Variants in NAALAD2 observed in about 807,000 individuals in gnomAD.
NAALAD2 encodes N-acetylated-alpha-linked acidic dipeptidase 2.
NAALAD2 carries 89 observed loss-of-function variants against 95.6 expected under a neutral mutation model. The ratio of observed to expected loss-of-function variants is 0.93; its 90% CI spans 0.78 to 1.11. NAALAD2 has a LOEUF of 1.11. NAALAD2 is among the 50% of genes least tolerant of loss of function. NAALAD2 has a pLI of 0.00. For synonymous variants in NAALAD2, 264 were observed against 294.4 expected (o/e 0.90, Z 1.06); for missense variants, 894 against 872.4 (o/e 1.02, Z -0.31).
chr11:90,176,781 C>T (rs2134968403), intron 15 of NAALAD2, among the ~76,000 whole-genome samples: 1 of 152,254 alleles, frequency 6.6e-6, no homozygotes. Flanking sequence ...ATCTTGCTTG[C>T]CCATTATATG....
Position 90,135,582 on chromosome 11 carries a change from G to T in NAALAD2, c.106G>T (p.Glu36Ter). ...MVGWFIKPLK[E>*]TTTSVRYHQS... is the part of the protein sequence containing the mutation. ...AGGCTGGTTTATTAAGCCTCTCAAA[G>T]AAACGACCACTTCTGTGCGCTATCA... The change falls in exon 2 of 19, where the codon GAA (glutamate) becomes TAA (stop). Residue 36 changes from glutamate (E) to a stop codon, truncating the protein, a stop_gained. Coordinates refer to ENST00000534061, the MANE Select transcript of NAALAD2 (RefSeq NM_005467.4). LOFTEE classifies it high-confidence loss of function. 6.2e-7 allele frequency: 1 copy of T among 1,610,730 alleles called. No homozygotes were observed. Among genetic ancestry groups the T allele is most frequent in the Non-Finnish European group, 8.5e-7 (1 of 1,178,228 alleles).
At chr11:90,167,461 G>A (rs118046090) in intron 11 of NAALAD2, among the ~76,000 whole-genome samples, 1 of 152,162 alleles carries the variant, frequency 6.6e-6, no homozygotes, top group East Asian at 1.9e-4. Context: ...GGAGCCTCCC[G>A]ACGAGCACCG....
At chr11:90,142,002 G>T (rs1951631983) in intron 2 of NAALAD2, among the ~76,000 whole-genome samples, 1 of 152,050 alleles carries the variant, frequency 6.6e-6, no homozygotes, top group South Asian at 2.1e-4. Context: ...TAAGGAGAAA[G>T]ATTTAGTTTC....
At chr11:90,178,180 TATG>T in intron 16 of NAALAD2, 63 bp downstream of exon 16, 1 of 1,484,148 alleles carries the variant, frequency 6.7e-7, no homozygotes, top group Admixed American at 2.1e-5. Flanking sequence ...TATTATCTCC[TATG>T]ATGATCAATG....
rs1222025645 is a variant in NAALAD2 at position 90,191,453 on chromosome 11, G to T, written c.2034-105G>T. ...CAGATCAACTGTCTTCTTATTATAG[G>T]AACAAAAGTGAGTATCACAAGGAAA... On this transcript the variant is annotated intron_variant, in intron 18 of 18. Transcript: ENST00000534061. The T allele has an allele frequency of 6.9e-6, 5 of 720,904 alleles. No homozygotes were observed. The East Asian group carries it at 1.2e-4, about 17-fold the overall frequency. The allele number at this position is 720,904 out of a possible 1,614,324, so 44.7% of individuals were successfully genotyped here. A position where few individuals can be genotyped will look rare whatever the true frequency, so the allele number is the denominator to read the frequency against.
chr11:90,142,680 C>T (rs1480724502), intron 2 of NAALAD2, among the ~76,000 whole-genome samples: 2 of 152,032 alleles, frequency 1.3e-5, no homozygotes, highest in East Asian at 1.9e-4. Context: ...GTAACCTCTG[C>T]CTTGTGAGTA....
intron 8 of NAALAD2, among the ~76,000 whole-genome samples, 178 bp downstream of exon 8, chr11:90,159,515 C>T (rs1196161790): frequency 2.6e-5 from 4 of 152,130 alleles, no homozygotes; most frequent in African/African-American, 9.7e-5. Flanking sequence ...CTAGCAGCAT[C>T]ACAATATTAG....
At position 90,134,728 on chromosome 11, in the gene NAALAD2, C is replaced by T. The variant is rs1378455373; in HGVS notation, c.-31C>T. 1.2e-6 allele frequency: 2 copies of T among 1,608,648 alleles called. No individual in the cohort carries two copies. Among genetic ancestry groups the T allele is most frequent in the Admixed American group, 3.3e-5 (2 of 60,020 alleles). ...GCAGCCCCGAAGCTCGCGAATGTAG[C>T]AGGCGCCCCAAGCTCGGTCCTCAAG... On this transcript the variant is annotated 5_prime_UTR_variant, in exon 1 of 19. Transcript: ENST00000534061.
At chr11:90,178,218 T>C in intron 16 of NAALAD2, 101 bp downstream of exon 16, 3 of 1,303,964 alleles carry the variant, frequency 2.3e-6, no homozygotes, top group Non-Finnish European at 3.1e-6. Context: ...CTAGAATACA[T>C]ATTTGCCTTA....
Position 90,142,757 on chromosome 11 carries a change from G to A in NAALAD2, c.195-4573G>A, listed in dbSNP as rs566034083. 4.6e-5 allele frequency among the ~76,000 whole-genome samples: 7 copies of A among 151,990 alleles called. No homozygotes were observed. The East Asian group carries it at 9.7e-4, about 21-fold the overall frequency. On this transcript the variant is annotated intron_variant, in intron 2 of 18. Transcript: ENST00000534061. ...TTAAACTTAAGTCTGCCACTTTTTG[G>A]TTTGTTTTCTGTTTTCTTTCTGTAC... is the stretch of plus-strand genomic sequence containing the variant.
intron 15 of NAALAD2, among the ~76,000 whole-genome samples, chr11:90,177,120 A>G (rs1477186648): frequency 1.3e-5 from 2 of 152,208 alleles, no homozygotes; most frequent in Non-Finnish European, 2.9e-5. Flanking sequence ...AATAAAAACT[A>G]AAATTAGAAA....
chr11:90,156,017 T>TAAAA (rs1372416353), intron 6 of NAALAD2, among the ~76,000 whole-genome samples: 8 of 151,148 alleles, frequency 5.3e-5, no homozygotes, highest in Non-Finnish European at 1.2e-4. Context: ...GCTGAATTTA[T>TAAAA]GAGCATAGAG....
intron 3 of NAALAD2, 80 bp from the exon 4 acceptor site, chr11:90,148,926 A>G (rs756205229): frequency 1.2e-6 from 1 of 804,522 alleles, no homozygotes; most frequent in Non-Finnish European, 2.0e-6. Flanking sequence ...AATCTGAAGT[A>G]TATACTTGGA....
chr11:90,169,168 C>T (rs555962500), intron 12 of NAALAD2, 176 bp downstream of exon 12: 25 of 484,710 alleles, frequency 5.2e-5, no homozygotes, highest in South Asian at 1.1e-4. Flanking sequence ...CATTTTGCCA[C>T]AGAGAAAATA....
chr11:90,138,725 C>CTTTTTTTTTTTTTTTTTTT (rs562496549), intron 2 of NAALAD2, among the ~76,000 whole-genome samples: 3 of 61,526 alleles, frequency 4.9e-5, no homozygotes, highest in Non-Finnish European at 9.6e-5. Context: ...CATCCCTCAA[C>CTTTTTTTTTTTTTTTTTTT]TTTTTTTTTT....
rs951988540 is a variant in NAALAD2, at chr11:90,147,522, T to G, written c.381+6T>G. The G allele has an allele frequency of 1.9e-6, 3 of 1,592,910 alleles. No individual in the cohort carries two copies. The highest frequency in any genetic ancestry group is 1.1e-5 in the South Asian group (1 of 88,592). ...TGGATGAACATGAAACTGAGGTATG[T>G]GAAATTGTTGGTACTTTTTATATTT... is the stretch of plus-strand genomic sequence containing the variant. On this transcript the variant is annotated splice_donor_region_variant and intron_variant, in intron 3 of 18. Coordinates refer to ENST00000534061, the MANE Select transcript of NAALAD2 (RefSeq NM_005467.4).
At chr11:90,182,861 T>G (rs1343515174) in intron 17 of NAALAD2, 55 bp from the exon 18 acceptor site, 1 of 1,169,442 alleles carries the variant, frequency 8.6e-7, no homozygotes, top group African/African-American at 1.5e-5. Flanking sequence ...TAATATTATT[T>G]TTGAAGCATG....
chr11:90,139,777 GA>G (rs571173271), intron 2 of NAALAD2, among the ~76,000 whole-genome samples: 5 of 149,378 alleles, frequency 3.3e-5, no homozygotes, highest in Admixed American at 6.6e-5. Flanking sequence ...TTCAATACAA[GA>G]AAAAAAGGTA....
chr11:90,135,028 A>C, intron 1 of NAALAD2, 188 bp downstream of exon 1: 1 of 585,648 alleles, frequency 1.7e-6, no homozygotes, highest in East Asian at 2.9e-5. Flanking sequence ...GCTTGCTAAT[A>C]GATAAAGTGT....
Sources: allele counts gnomAD v4.1 joint callset (sites outside exome capture counted in the v4.1 genomes callset), GRCh38; gene constraint gnomAD v4.1.1; transcripts MANE v1.5; gene names NCBI Gene and HGNC (gene_info 2026-07-23, HGNC 2026-07-21).